Variants in DLG2 observed in about 807,000 individuals in gnomAD.
The protein encoded by DLG2 is disks large homolog 2.
A neutral mutation model predicts 132.5 loss-of-function variants in DLG2; 45 were observed. That is an observed-to-expected ratio of 0.34 (90% confidence interval 0.27 to 0.44). The LOEUF is 0.44. Ranked by LOEUF, DLG2 falls within the 20% of genes least tolerant of loss-of-function variation. DLG2 has a pLI of 1.00. For synonymous variants in DLG2, 424 were observed against 419.6 expected (o/e 1.01, Z -0.13); for missense variants, 1,045 against 1,196.9 (o/e 0.87, Z 1.87).
chr11:85,416,297 C>T (rs2089839396), intron 3 of DLG2, among the ~76,000 whole-genome samples: 1 of 152,100 alleles, frequency 6.6e-6, no homozygotes, highest in African/African-American at 2.4e-5. Context: ...TTCCATTAGT[C>T]TATACATCTG....
intron 6 of DLG2, among the ~76,000 whole-genome samples, chr11:85,013,317 G>C (rs1216656537): frequency 2.6e-5 from 4 of 152,090 alleles, no homozygotes; most frequent in Non-Finnish European, 5.9e-5. Context: ...CCTCTTTCCT[G>C]AACCATGTAT....
intron 6 of DLG2, among the ~76,000 whole-genome samples, chr11:84,881,108 C>T (rs2087255579): frequency 6.6e-6 from 1 of 152,034 alleles, no homozygotes; most frequent in South Asian, 2.1e-4. Flanking sequence ...TTCAAACTAA[C>T]CTACCAGTGT....
At chr11:84,376,782 A>G (rs779554144) in intron 7 of DLG2, among the ~76,000 whole-genome samples, 5 of 151,968 alleles carry the variant, frequency 3.3e-5, no homozygotes, top group African/African-American at 1.2e-4. Context: ...AAAATTGGCA[A>G]TTAAAAAGAA....
chr11:85,567,539 G>C (rs1050343793), intron 3 of DLG2, among the ~76,000 whole-genome samples: 1 of 151,880 alleles, frequency 6.6e-6, no homozygotes, highest in African/African-American at 2.4e-5. Context: ...TTTTTTTGTA[G>C]ATTCTTTAGA....
intron 3 of DLG2, among the ~76,000 whole-genome samples, chr11:85,499,121 A>C (rs996665846): frequency 6.6e-6 from 1 of 152,216 alleles, no homozygotes; most frequent in East Asian, 1.9e-4. Flanking sequence ...TAGGAAGTAG[A>C]GAAACAAAAA....
chr11:85,382,680 A>G (rs2085988106), intron 3 of DLG2, among the ~76,000 whole-genome samples: 1 of 152,194 alleles, frequency 6.6e-6, no homozygotes, highest in Admixed American at 6.5e-5. Context: ...ATGGGCAAAT[A>G]TTTGAACGGA....
At chr11:84,362,687 G>A (rs1193302221) in intron 7 of DLG2, among the ~76,000 whole-genome samples, 1 of 151,924 alleles carries the variant, frequency 6.6e-6, no homozygotes, top group South Asian at 2.1e-4. Flanking sequence ...AGTCCCCAGA[G>A]TGTGATGTTC....
intron 6 of DLG2, among the ~76,000 whole-genome samples, chr11:84,922,262 A>G (rs1329116173): frequency 2.0e-5 from 3 of 151,968 alleles, no homozygotes; most frequent in Admixed American, 6.6e-5. Context: ...TTCCTTTTGG[A>G]CTTCTTTCTC....
chr11:83,471,717 G>A lies in DLG2; in HGVS notation c.2355C>T (p.Thr785=). The change falls in exon 24 of 28, where the codon ACC becomes ACT. Residue 785 remains threonine (T), a synonymous_variant. Transcript: ENST00000376104. ...EPVTRQEINY[T]RPVIILGPMK... ...TGGGCCCCAGGATAATCACCGGCCG[G>A]GTGTAGTTTACTGCAGAATGGGAAA... 1 of 1,612,720 alleles carries A rather than the reference G, an allele frequency of 6.2e-7. No individual in the cohort carries two copies. The highest frequency in any genetic ancestry group is 8.5e-7 in the Non-Finnish European group (1 of 1,179,144).
intron 18 of DLG2, among the ~76,000 whole-genome samples, chr11:83,778,813 T>C (rs2094692930): frequency 6.6e-6 from 1 of 152,128 alleles, no homozygotes; most frequent in African/African-American, 2.4e-5. Context: ...ATCTGCAGAC[T>C]GTTCAGGAAT....
At chr11:85,063,837 A>T (rs1361268894) in intron 6 of DLG2, among the ~76,000 whole-genome samples, 1 of 151,708 alleles carries the variant, frequency 6.6e-6, no homozygotes, top group African/African-American at 2.4e-5. Flanking sequence ...CAGAAACTTC[A>T]CTTCAACAAA....
intron 18 of DLG2, among the ~76,000 whole-genome samples, chr11:83,761,043 C>A (rs1451707075): frequency 6.6e-6 from 1 of 152,196 alleles, no homozygotes; most frequent in Non-Finnish European, 1.5e-5. Context: ...TGCTTGTTGG[C>A]TTCTCAGCTC....
chr11:83,467,829 T>G (rs12099211), intron 25 of DLG2, among the ~76,000 whole-genome samples: 1 of 97,164 alleles, frequency 1.0e-5, no homozygotes, highest in Non-Finnish European at 2.0e-5. Flanking sequence ...ACATATAAAA[T>G]ATATAATTAA....
chr11:84,094,255 G>A (rs1036096348), intron 10 of DLG2, among the ~76,000 whole-genome samples: 1 of 152,084 alleles, frequency 6.6e-6, no homozygotes, highest in Non-Finnish European at 1.5e-5. Context: ...ATAATAGTGT[G>A]AATTTTATTG....
intron 6 of DLG2, among the ~76,000 whole-genome samples, chr11:84,835,885 G>C (rs2079695826): frequency 1.3e-5 from 2 of 151,636 alleles, no homozygotes; most frequent in Non-Finnish European, 3.0e-5. Flanking sequence ...ATTTAAGCTG[G>C]AAAAATGTAG....
chr11:83,486,536 G>GTGAT (rs2093520643), intron 21 of DLG2, among the ~76,000 whole-genome samples: 1 of 152,014 alleles, frequency 6.6e-6, no homozygotes, highest in Admixed American at 6.6e-5. Context: ...TGTGTTATCT[G>GTGAT]TGATTAATTC....
chr11:85,161,776 C>A (rs986720800), intron 4 of DLG2, among the ~76,000 whole-genome samples: 18 of 152,202 alleles, frequency 1.2e-4, no homozygotes, highest in Non-Finnish European at 1.3e-4. Context: ...TTTGAAGTCA[C>A]AATTACAACA....
intron 7 of DLG2, among the ~76,000 whole-genome samples, chr11:84,463,529 A>G (rs1054734777): frequency 6.6e-6 from 1 of 151,164 alleles, no homozygotes; most frequent in Non-Finnish European, 1.5e-5. Context: ...ACCGCTTGAG[A>G]CAAGAGAAGG....
chr11:84,748,425 C>A (rs536945364), intron 6 of DLG2, among the ~76,000 whole-genome samples: 3 of 152,292 alleles, frequency 2.0e-5, no homozygotes, highest in South Asian at 4.1e-4. Flanking sequence ...ATAACATTTT[C>A]ATTTGCACAG....
Sources: allele counts gnomAD v4.1 joint callset (sites outside exome capture counted in the v4.1 genomes callset), GRCh38; gene constraint gnomAD v4.1.1; transcripts MANE v1.5; gene names NCBI Gene and HGNC (gene_info 2026-07-23, HGNC 2026-07-21).